Variants in NBEA observed in about 807,000 individuals in gnomAD.
NBEA encodes the protein lysosomal-trafficking regulator 2.
In NBEA, 44 loss-of-function variants were observed where a neutral mutation model predicts 343.4. The observed-to-expected ratio is 0.13, with a 90% CI of 0.10 to 0.16. The LOEUF (loss-of-function observed/expected upper bound fraction) is 0.16. Ranked by LOEUF, NBEA falls within the 10% of genes least tolerant of loss-of-function variation. The pLI, the probability that NBEA is intolerant of heterozygous loss-of-function variation, is 1.00. For missense variants in NBEA, 2,555 were observed against 3,631.3 expected, an observed-to-expected ratio of 0.70 and a Z score of 7.62; for synonymous variants, 1,175 against 1,238.7, an observed-to-expected ratio of 0.95 and a Z score of 1.08.
chr13:34,986,366 G>C (rs1047884745), intron 1 of NBEA, among the ~76,000 whole-genome samples: 1 of 150,886 alleles, frequency 6.6e-6, no homozygotes, highest in African/African-American at 2.4e-5. Flanking sequence ...TCTTAATCCT[G>C]AGTTCTAGTT....
intron 10 of NBEA, among the ~76,000 whole-genome samples, chr13:35,083,485 C>G (rs1424379999): frequency 6.6e-6 from 1 of 152,052 alleles, no homozygotes; most frequent in African/African-American, 2.4e-5. Context: ...ATTTTCAACC[C>G]AGAACTTCAT....
At chr13:34,975,037 T>C (rs1221516178) in intron 1 of NBEA, among the ~76,000 whole-genome samples, 8 of 152,202 alleles carry the variant, frequency 5.3e-5, no homozygotes. Context: ...AGTCCTGTTA[T>C]CCACAATTTA....
At chr13:35,551,275 A>C (rs528376184) in intron 43 of NBEA, among the ~76,000 whole-genome samples, 1 of 152,312 alleles carries the variant, frequency 6.6e-6, no homozygotes. Context: ...ATTGCTTATC[A>C]CATAGCTAGC....
At chr13:35,167,091 A>C (rs542394271) in intron 24 of NBEA, among the ~76,000 whole-genome samples, 3 of 152,150 alleles carry the variant, frequency 2.0e-5, no homozygotes, top group South Asian at 2.1e-4. Context: ...ATGAAGAAAT[A>C]GGAATAATAA....
At chr13:35,251,290 A>G (rs920851343) in intron 34 of NBEA, 13 of 626,698 alleles carry the variant, frequency 2.1e-5, no homozygotes, top group Non-Finnish European at 2.3e-5. Context: ...GATTCATAGT[A>G]TGCCAGCATC....
intron 38 of NBEA, among the ~76,000 whole-genome samples, chr13:35,360,963 A>G (rs1355624700): frequency 6.6e-6 from 1 of 152,034 alleles, no homozygotes; most frequent in Non-Finnish European, 1.5e-5. Flanking sequence ...AAAATGTATC[A>G]AATTAGGTGG....
At chr13:35,084,804 T>C (rs1199987133) in intron 10 of NBEA, among the ~76,000 whole-genome samples, 1 of 152,008 alleles carries the variant, frequency 6.6e-6, no homozygotes, top group African/African-American at 2.4e-5. Flanking sequence ...GCTGGTTTTT[T>C]GAAAATATCA....
chr13:35,634,842 A>G (rs1177532247), intron 49 of NBEA, among the ~76,000 whole-genome samples: 1 of 152,154 alleles, frequency 6.6e-6, no homozygotes, highest in African/African-American at 2.4e-5. Context: ...TCAATCTGAC[A>G]GGGATAACAC....
rs139329306 is a variant in NBEA at position 35,544,182 on chromosome 13, C to T, written c.6586-6295C>T. On this transcript the variant is annotated intron_variant, in intron 41 of 58. Coordinates refer to ENST00000379939, the MANE Select transcript of NBEA (RefSeq NM_001385012.1). ...GTTGAGGCTGCAAGTGTGGATTGAA[C>T]GCGACAACCTTAGGAACTCTAAAAA... Among the ~76,000 whole-genome samples, 414 of 152,206 alleles carry T rather than the reference C, an allele frequency of 2.7e-3. 2 individuals carry two copies. The highest frequency in any genetic ancestry group is 9.1e-3 in the African/African-American group (378 of 41,520).
chr13:35,659,806 C>T (rs959935631), intron 55 of NBEA, among the ~76,000 whole-genome samples: 1 of 152,170 alleles, frequency 6.6e-6, no homozygotes, highest in African/African-American at 2.4e-5. Context: ...AAATAGGTCC[C>T]TAACTAGATA....
intron 48 of NBEA, among the ~76,000 whole-genome samples, chr13:35,617,570 C>CA (rs2082789357): frequency 6.6e-6 from 1 of 152,168 alleles, no homozygotes; most frequent in Admixed American, 6.5e-5. Context: ...AGGAAAAGCC[C>CA]ACACTGCTGC....
chr13:35,393,216 A>G (rs1161939152), intron 38 of NBEA, among the ~76,000 whole-genome samples: 2 of 152,158 alleles, frequency 1.3e-5, no homozygotes, highest in African/African-American at 2.4e-5. Context: ...TGGAGCAGTA[A>G]TGGAAGCTGC....
chr13:35,282,822 G>A (rs1273662436), intron 34 of NBEA, among the ~76,000 whole-genome samples: 1 of 152,012 alleles, frequency 6.6e-6, no homozygotes, highest in Non-Finnish European at 1.5e-5. Context: ...ATCTGTATTT[G>A]TATGTCTTAT....
At chr13:35,670,131 ATTG>A (rs1470243660) in intron 58 of NBEA, among the ~76,000 whole-genome samples, 19 of 152,334 alleles carry the variant, frequency 1.2e-4, no homozygotes, top group African/African-American at 4.6e-4. Context: ...AAAGGTATTT[ATTG>A]GATGAGGTGT....
In NBEA at chr13:35,651,979, T is replaced by C. The variant is rs2084545819; in HGVS notation, c.8035+103T>C. 5.7e-6 allele frequency: 4 copies of C among 705,944 alleles called. No homozygotes were observed. In the Admixed American group the frequency reaches 7.3e-5, roughly 13 times the overall value. The allele number at this position is 705,944 out of a possible 1,614,324, so 43.7% of individuals were successfully genotyped here. A position where few individuals can be genotyped will look rare whatever the true frequency, so the allele number is the denominator to read the frequency against. On this transcript the variant is annotated intron_variant, in intron 53 of 58. Transcript: ENST00000379939. ...GAACAATATTTTTTCTACCACAAGA[T>C]TAAAATGCTAATAATATCAAATTAT... is the stretch of plus-strand genomic sequence containing the variant.
At chr13:35,345,112 A>C (rs1001317263) in intron 36 of NBEA, among the ~76,000 whole-genome samples, 1 of 152,094 alleles carries the variant, frequency 6.6e-6, no homozygotes, top group African/African-American at 2.4e-5. Context: ...AAAAATTTCT[A>C]AAAATGTCAT....
intron 38 of NBEA, among the ~76,000 whole-genome samples, chr13:35,416,709 G>A (rs1447971476): frequency 6.6e-6 from 1 of 151,900 alleles, no homozygotes. Context: ...CTTTTTTGTT[G>A]TGTGTCTGCC....
chr13:35,049,303 T>G (rs2062980160), intron 5 of NBEA, among the ~76,000 whole-genome samples: 1 of 151,862 alleles, frequency 6.6e-6, no homozygotes, highest in African/African-American at 2.4e-5. Context: ...TAAGTGTTTA[T>G]ATATATGATT....
At chr13:34,958,530 A>AAATTTAAAAAAAAAAAAATT (rs541194395) in intron 1 of NBEA, among the ~76,000 whole-genome samples, 3 of 152,140 alleles carry the variant, frequency 2.0e-5, no homozygotes, top group Admixed American at 6.5e-5. Flanking sequence ...TTGGGTCAGG[A>AAATTTAAAAAAAAAAAAATT]TTTGAAGAAA....
Sources: gnomAD v4.1 joint callset for allele counts (sites outside exome capture counted in the v4.1 genomes callset) on GRCh38, gnomAD v4.1.1 for gene constraint, MANE v1.5 for transcripts, NCBI Gene and HGNC (gene_info 2026-07-23, HGNC 2026-07-21) for gene names.